Variants in GSG1L observed in about 807,000 individuals in gnomAD.
The protein encoded by GSG1L is GSG1 like.
Under a neutral mutation model 42.1 loss-of-function variants are expected in GSG1L, and 24 were observed. The observed-to-expected ratio is 0.57, with a 90% CI of 0.41 to 0.80. The LOEUF (loss-of-function observed/expected upper bound fraction) is 0.80. Ranked by LOEUF, GSG1L falls within the 30% of genes least tolerant of loss-of-function variation. The probability of loss-of-function intolerance (pLI) is 0.00; values close to 1 mark genes in which losing one functional copy is unlikely to be tolerated. For missense variants in GSG1L, 445 were observed against 472.2 expected (o/e 0.94, Z 0.53); for synonymous variants, 215 against 203.5 (o/e 1.06, Z -0.48).
chr16:27,977,450 T>C (rs1257295666), intron 1 of GSG1L, among the ~76,000 whole-genome samples: 1 of 150,216 alleles, frequency 6.7e-6, no homozygotes, highest in Non-Finnish European at 1.5e-5. Context: ...TGTGCACCTG[T>C]AGTCGAGGCT....
intron 5 of GSG1L, among the ~76,000 whole-genome samples, chr16:27,813,947 C>T (rs1328748139): frequency 6.6e-6 from 1 of 152,202 alleles, no homozygotes; most frequent in Non-Finnish European, 1.5e-5. Flanking sequence ...GGGCATAATA[C>T]CGGTGGTCAT....
At chr16:27,921,965 T>C (rs2084529498) in intron 2 of GSG1L, among the ~76,000 whole-genome samples, 1 of 150,808 alleles carries the variant, frequency 6.6e-6, no homozygotes, top group Admixed American at 6.6e-5. Context: ...CTTTTCTCTC[T>C]CTCTGTTTTT....
At chr16:27,931,354 A>G (rs2084656149) in intron 2 of GSG1L, among the ~76,000 whole-genome samples, 1 of 152,180 alleles carries the variant, frequency 6.6e-6, no homozygotes, top group East Asian at 1.9e-4. Flanking sequence ...GGCTGGCTTC[A>G]TGCCGCTGCC....
intron 2 of GSG1L, among the ~76,000 whole-genome samples, chr16:27,931,395 A>G (rs1024260615): frequency 6.6e-6 from 1 of 152,104 alleles, no homozygotes; most frequent in Non-Finnish European, 1.5e-5. Flanking sequence ...CTTTCTCCTC[A>G]TGGCAAGCAC....
intron 4 of GSG1L, 111 bp downstream of exon 4, chr16:27,844,839 C>CCT: frequency 2.7e-6 from 1 of 366,536 alleles, no homozygotes; most frequent in Non-Finnish European, 5.3e-6. Flanking sequence ...CAACTCTCCC[C>CCT]ATTTCTCCTC....
rs2083494228 is a variant in GSG1L at position 27,850,191 on chromosome 16, C to A, written c.551-5130G>T. On this transcript the variant is annotated intron_variant, in intron 3 of 6. Transcript: ENST00000447459. ...TTACAGGTGCCACCACTACACCCGG[C>A]TAATTTTTGTATTTTTAGTAGAGAC... is the stretch of plus-strand genomic sequence containing the variant. Among the ~76,000 whole-genome samples, 3 of 151,726 alleles carry A rather than the reference C, an allele frequency of 2.0e-5. No individual in the cohort carries two copies. The South Asian group carries it at 6.3e-4, about 32-fold the overall frequency.
At chr16:27,914,662 C>T (rs2084431124) in intron 2 of GSG1L, among the ~76,000 whole-genome samples, 1 of 151,704 alleles carries the variant, frequency 6.6e-6, no homozygotes, top group Non-Finnish European at 1.5e-5. Context: ...TAGCTGGGAC[C>T]CCAGGCACTC....
Position 27,930,425 on chromosome 16 carries a change from G to A in GSG1L, c.397+32731C>T, listed in dbSNP as rs1321279036. On this transcript the variant is annotated intron_variant, in intron 2 of 6. Transcript: ENST00000447459. ...GTCACCACTTAACACCATCTAACACGCTCCACAGGTCACACATTTATTTGT... is the reference window on the plus strand; with the variant it reads ...GTCACCACTTAACACCATCTAACACACTCCACAGGTCACACATTTATTTGT... Among the ~76,000 whole-genome samples, 4 of 152,234 alleles carry A rather than the reference G, an allele frequency of 2.6e-5. No homozygotes were observed. In the South Asian group the frequency reaches 6.2e-4, roughly 24 times the overall value.
chr16:27,841,969 C>T (rs905942516), intron 4 of GSG1L, among the ~76,000 whole-genome samples: 2 of 152,214 alleles, frequency 1.3e-5, no homozygotes, highest in Admixed American at 6.5e-5. Context: ...CTTTCTGATT[C>T]TCAGCATCTG....
chr16:28,039,576 C>T (rs543580936), intron 1 of GSG1L, among the ~76,000 whole-genome samples: 45 of 151,332 alleles, frequency 3.0e-4, no homozygotes, highest in African/African-American at 9.2e-4. Flanking sequence ...TGTGCACACA[C>T]GCGCACACAT....
chr16:28,063,222 GC>G lies in GSG1L; in HGVS notation c.202del (p.Ala68ProfsTer125). ...GGCGGTGGCGGCGGCGGCGGCGGCG[GC>G]GGGGGCGGCGGTGCCGTTGGCCGTG... is the stretch of plus-strand genomic sequence containing the variant. ...NATANGTAAP[A>X]AAAAAATASG... On this transcript the variant is annotated frameshift_variant, in exon 1 of 7. Coordinates refer to ENST00000447459, the MANE Select transcript of GSG1L (RefSeq NM_001109763.2). LOFTEE classifies it high-confidence loss of function. This position sits in a 1 kb window ranked among gnomAD's most constrained non-coding sequence, Gnocchi z 5.8. The G allele has an allele frequency of 2.4e-6, 3 of 1,252,476 alleles. No individual in the cohort carries two copies. The highest frequency in any genetic ancestry group is 3.0e-5 in the South Asian group (1 of 33,346). The allele number at this position is 1,252,476 out of a possible 1,614,324, so 77.6% of individuals were successfully genotyped here. A position where few individuals can be genotyped will look rare whatever the true frequency, so the allele number is the denominator to read the frequency against.
intron 3 of GSG1L, among the ~76,000 whole-genome samples, chr16:27,879,343 G>A (rs755649800): frequency 2.6e-5 from 4 of 152,190 alleles, no homozygotes; most frequent in Middle Eastern, 3.2e-3. Context: ...TGGGGCCCAC[G>A]CCTGTAATCT....
intron 2 of GSG1L, among the ~76,000 whole-genome samples, chr16:27,888,927 G>GATAGATATAGATATAGATGAT (rs2084088297): frequency 7.0e-6 from 1 of 142,110 alleles, no homozygotes; most frequent in Non-Finnish European, 1.5e-5. Context: ...CTTGTGCTTA[G>GATAGATATAGATATAGATGAT]ATAGATATAG....
At chr16:27,810,405 G>C (rs960471313) in intron 5 of GSG1L, among the ~76,000 whole-genome samples, 1 of 152,182 alleles carries the variant, frequency 6.6e-6, no homozygotes, top group African/African-American at 2.4e-5. Flanking sequence ...AGGAGACAGA[G>C]GCTACGGTGA....
intron 2 of GSG1L, among the ~76,000 whole-genome samples, chr16:27,933,881 T>C (rs548402530): frequency 7.9e-5 from 12 of 152,302 alleles, no homozygotes; most frequent in African/African-American, 2.4e-4. Context: ...GGCTGGGCCC[T>C]GCATTCAACC....
At chr16:27,955,283 T>A (rs894524037) in intron 2 of GSG1L, among the ~76,000 whole-genome samples, 15 of 151,768 alleles carry the variant, frequency 9.9e-5, no homozygotes, top group African/African-American at 3.6e-4. Flanking sequence ...AACATTCCTA[T>A]AACAAGAAAA....
intron 1 of GSG1L, among the ~76,000 whole-genome samples, chr16:28,052,876 C>T (rs1204797309): frequency 6.6e-6 from 1 of 152,220 alleles, no homozygotes; most frequent in Non-Finnish European, 1.5e-5. Flanking sequence ...GACTCGTGTC[C>T]AAGTCTTCTG....
intron 2 of GSG1L, among the ~76,000 whole-genome samples, chr16:27,949,371 T>C (rs1036241805): frequency 1.3e-5 from 2 of 152,178 alleles, no homozygotes; most frequent in Non-Finnish European, 2.9e-5. Context: ...TGAGCAGTGG[T>C]ATGGGAGGCG....
Position 27,928,555 on chromosome 16 carries a change from G to T in GSG1L, c.397+34601C>A, listed in dbSNP as rs537535429. ...AACAAAACAAAACAAAAAAGCCCAG[G>T]CTCAGTCTGTCTGGTTCATCAGTCT... On this transcript the variant is annotated intron_variant, in intron 2 of 6. Transcript: ENST00000447459. Among the ~76,000 whole-genome samples the T allele has an allele frequency of 3.3e-5, 5 of 152,302 alleles. No homozygotes were observed. The South Asian group carries it at 1.0e-3, about 32-fold the overall frequency.
Sources: allele counts gnomAD v4.1 joint callset (sites outside exome capture counted in the v4.1 genomes callset), GRCh38; gene constraint gnomAD v4.1.1; non-coding constraint Gnocchi (gnomAD v3.1); transcripts MANE v1.5; gene names NCBI Gene and HGNC (gene_info 2026-07-23, HGNC 2026-07-21).